SLC14A2: variants seen among roughly 807,000 people sequenced by gnomAD.
SLC14A2 encodes the protein solute carrier family 14 member 2.
In SLC14A2, 91 loss-of-function variants were observed where a neutral mutation model predicts 104.6. The observed-to-expected ratio is 0.87, with a 90% confidence interval of 0.73 to 1.04. The LOEUF (loss-of-function observed/expected upper bound fraction) is 1.04, where lower values mean the gene tolerates loss of function less well. Ranked by LOEUF, SLC14A2 falls within the 50% of genes least tolerant of loss-of-function variation. The pLI is 0.00. For synonymous variants in SLC14A2, 476 were observed against 466.4 expected, an observed-to-expected ratio of 1.02 and a Z score of -0.27; for missense variants, 1,189 against 1,156.0, an observed-to-expected ratio of 1.03 and a Z score of -0.41.
intron 1 of SLC14A2, among the ~76,000 whole-genome samples, chr18:45,347,098 G>A (rs981229630): frequency 1.3e-5 from 2 of 152,140 alleles, no homozygotes; most frequent in South Asian, 2.1e-4. Context: ...GCTCATGCCT[G>A]TAATCCCAGC....
rs143659903 is a variant in SLC14A2, at chr18:45,419,642, C to T, written c.-124-63591C>T. On this transcript the variant is annotated intron_variant, in intron 1 of 20. Transcript: ENST00000586448. ...TACAAAAATTAGTCAGGTGTGGTGG[C>T]GCACGCCTGTAATCCCAGTGACTCT... Among the ~76,000 whole-genome samples, 1,365 of 152,168 alleles carry T rather than the reference C, an allele frequency of 9.0e-3. 20 individuals are homozygous for T. The highest frequency in any genetic ancestry group is 0.078 in the South Asian group (374 of 4,796).
At chr18:45,648,999 G>A (rs1444418319) in intron 10 of SLC14A2, among the ~76,000 whole-genome samples, 3 of 151,968 alleles carry the variant, frequency 2.0e-5, no homozygotes, top group Admixed American at 1.3e-4. Context: ...GTGAAACCCT[G>A]TCTCTACTAA....
intron 2 of SLC14A2, among the ~76,000 whole-genome samples, chr18:45,523,065 G>C (rs2043538613): frequency 6.6e-6 from 1 of 152,314 alleles, no homozygotes; most frequent in African/African-American, 2.4e-5. Context: ...GCAAGCTGTA[G>C]TCTGCACTGG....
chr18:45,528,830 C>T (rs564268214), intron 2 of SLC14A2: 4 of 152,342 alleles, frequency 2.6e-5, no homozygotes, highest in African/African-American at 9.6e-5. Context: ...GAAGCAGAGG[C>T]TAGTTCACCC....
intron 2 of SLC14A2, among the ~76,000 whole-genome samples, chr18:45,540,118 G>T (rs973223311): frequency 4.6e-5 from 7 of 151,796 alleles, no homozygotes; most frequent in African/African-American, 1.7e-4. Context: ...GCCTGATGAG[G>T]TGACTGAGAG....
At chr18:45,350,804 G>A (rs551938809) in intron 1 of SLC14A2, among the ~76,000 whole-genome samples, 11 of 151,082 alleles carry the variant, frequency 7.3e-5, no homozygotes, top group South Asian at 4.2e-4. Flanking sequence ...CAGCAGTTCC[G>A]CTTATAGAAG....
intron 1 of SLC14A2, among the ~76,000 whole-genome samples, chr18:45,261,187 C>T (rs111537334): frequency 0.043 from 6,481 of 151,512 alleles, 416 homozygotes; most frequent in African/African-American, 0.14. Context: ...CAACAGGCCC[C>T]GGTGTGTGAT....
At chr18:45,285,242 A>C (rs911767520) in intron 1 of SLC14A2, among the ~76,000 whole-genome samples, 1 of 152,178 alleles carries the variant, frequency 6.6e-6, no homozygotes, top group African/African-American at 2.4e-5. Context: ...TGGAGATTGT[A>C]TGGTCTAATC....
chr18:45,597,962 A>G (rs2044737195), intron 2 of SLC14A2, among the ~76,000 whole-genome samples: 1 of 152,176 alleles, frequency 6.6e-6, no homozygotes, highest in Admixed American at 6.5e-5. Flanking sequence ...CCTTGTACTG[A>G]GACTGGGGAG....
intron 2 of SLC14A2, among the ~76,000 whole-genome samples, chr18:45,510,557 C>T (rs1331394710): frequency 1.3e-5 from 2 of 152,052 alleles, no homozygotes; most frequent in African/African-American, 2.4e-5. Flanking sequence ...ATATTGCCTT[C>T]CCCTTTGCCT....
intron 1 of SLC14A2, among the ~76,000 whole-genome samples, chr18:45,257,706 G>A (rs1599619815): frequency 6.6e-6 from 1 of 152,246 alleles, no homozygotes; most frequent in African/African-American, 2.4e-5. Flanking sequence ...TCCCCAAAGT[G>A]TGCCCTGCGG....
At chr18:45,338,682 CAA>C (rs59474827) in intron 1 of SLC14A2, among the ~76,000 whole-genome samples, 97 of 51,798 alleles carry the variant, frequency 1.9e-3, no homozygotes, top group Non-Finnish European at 2.3e-3. Context: ...CACTGGCTCA[CAA>C]AAAAAAAAAA....
intron 1 of SLC14A2, among the ~76,000 whole-genome samples, chr18:45,477,679 G>C (rs759474972): frequency 1.1e-4 from 17 of 152,168 alleles, no homozygotes; most frequent in Non-Finnish European, 2.5e-4. Context: ...GAGATACCCT[G>C]CCCAGGGAGG....
At chr18:45,227,077 C>T (rs915740091) in intron 1 of SLC14A2, among the ~76,000 whole-genome samples, 4 of 152,098 alleles carry the variant, frequency 2.6e-5, no homozygotes, top group African/African-American at 9.7e-5. Context: ...GGTGCCAGCA[C>T]TATTCATCAT....
At chr18:45,188,934 G>A in the SLC14A2 span, among the ~76,000 whole-genome samples, 1 of 152,312 alleles carries the variant, frequency 6.6e-6, no homozygotes, top group Admixed American at 6.5e-5. Flanking sequence ...ACATCTGAAA[G>A]TGGGAATACC....
At position 45,636,996 on chromosome 18, in the gene SLC14A2, T is replaced by A. The variant is rs2045426832; in HGVS notation, c.657T>A (p.Val219=). 5.0e-6 allele frequency: 8 copies of A among 1,613,872 alleles called. No homozygotes were observed. Among genetic ancestry groups the A allele is most frequent in the Non-Finnish European group, 6.8e-6 (8 of 1,179,806 alleles). ...PVTFTAMSCP[V]LSSALNSIFS... is the part of the protein sequence containing the mutation. ...CTGTCTCTTGCATCTTCAGCCCAGT[T>A]CTTTCTAGTGCCTTGAATTCCATCT... is the stretch of plus-strand genomic sequence containing the variant. The change falls in exon 6 of 20, where the codon GTT becomes GTA. Residue 219 remains valine, a synonymous_variant. Transcript: ENST00000255226.
intron 1 of SLC14A2, among the ~76,000 whole-genome samples, chr18:45,464,027 A>G (rs967621947): frequency 4.6e-5 from 7 of 152,326 alleles, no homozygotes; most frequent in Middle Eastern, 3.4e-3. Flanking sequence ...TTTAAAATAA[A>G]TGAGATACAA....
chr18:45,269,974 T>C (rs77244372), intron 1 of SLC14A2, among the ~76,000 whole-genome samples: 2,468 of 152,318 alleles, frequency 0.016, 86 homozygotes, highest in East Asian at 0.094. Flanking sequence ...TTGTGGCCTT[T>C]CTTCTACTTC....
chr18:45,500,592 A>G (rs1017596306), intron 2 of SLC14A2, among the ~76,000 whole-genome samples: 2 of 145,912 alleles, frequency 1.4e-5, no homozygotes, highest in African/African-American at 2.6e-5. Flanking sequence ...AAAAAAAAAA[A>G]AAAAGAAATC....
Sources: allele counts gnomAD v4.1 joint callset (sites outside exome capture counted in the v4.1 genomes callset), GRCh38; gene constraint gnomAD v4.1.1; transcripts MANE v1.5; gene names NCBI Gene and HGNC (gene_info 2026-07-23, HGNC 2026-07-21).